YIPF5: variants seen among roughly 807,000 people sequenced by gnomAD.
YIPF5 encodes the protein protein YIPF5.
A neutral mutation model predicts 30.4 loss-of-function variants in YIPF5; 8 were observed. The ratio of observed to expected loss-of-function variants is 0.26; its 90% CI spans 0.15 to 0.47. The LOEUF (loss-of-function observed/expected upper bound fraction) is 0.47, where lower values mean the gene tolerates loss of function less well. Among genes scored for constraint, YIPF5 ranks in the 20% least tolerant of loss-of-function variants. YIPF5 has a pLI of 0.99. For synonymous variants in YIPF5, 104 were observed against 107.9 expected, an observed-to-expected ratio of 0.96 and a Z score of 0.23; for missense variants, 282 against 301.8, an observed-to-expected ratio of 0.93 and a Z score of 0.49.
chr5:144,163,525 C>A (rs1384678436), intron 4 of YIPF5, among the ~76,000 whole-genome samples: 1 of 152,112 alleles, frequency 6.6e-6, no homozygotes, highest in Non-Finnish European at 1.5e-5. Flanking sequence ...GCACTCAGTT[C>A]AAGCCCAGCT....
Position 144,164,093 on chromosome 5 carries a change from T to G in YIPF5, c.429+18A>C. ...CTGTTCTTTAATTGCACCCTGAAGG[T>G]TGAAATGAAAATCTTACCAGTAGCA... On this transcript the variant is annotated intron_variant, in intron 4 of 5. Coordinates refer to ENST00000274496, the MANE Select transcript of YIPF5 (RefSeq NM_030799.9). The G allele has an allele frequency of 6.2e-7, 1 of 1,606,164 alleles. No homozygotes were observed. Among genetic ancestry groups the G allele is most frequent in the Non-Finnish European group, 8.5e-7 (1 of 1,177,702 alleles).
Position 144,158,552 on chromosome 5 carries a change from C to G in YIPF5, c.*1845G>C. 8.5e-7 allele frequency: 1 copy of G among 1,178,030 alleles called. No homozygotes were observed. Among genetic ancestry groups the G allele is most frequent in the South Asian group, 1.6e-5 (1 of 62,430 alleles). The allele number at this position is 1,178,030 out of a possible 1,614,324, so 73.0% of individuals were successfully genotyped here. Reference sequence around the variant, plus strand: ...CAAAGCATCTTCTACCGTTTATTAGCAATATTTGGATATTAAGGGAAGACA... The same window carrying G: ...CAAAGCATCTTCTACCGTTTATTAGGAATATTTGGATATTAAGGGAAGACA... On this transcript the variant is annotated 3_prime_UTR_variant, in exon 6 of 6. Coordinates refer to ENST00000274496, the MANE Select transcript of YIPF5 (RefSeq NM_030799.9).
chr5:144,168,063 T>C (rs1752249092), intron 2 of YIPF5, among the ~76,000 whole-genome samples: 1 of 152,192 alleles, frequency 6.6e-6, no homozygotes, highest in Non-Finnish European at 1.5e-5. Context: ...AACCCAAGTT[T>C]ATAGCAATAA....
At chr5:144,169,696 A>C (rs900950671) in intron 2 of YIPF5, 150 bp downstream of exon 2, 2 of 663,386 alleles carry the variant, frequency 3.0e-6, no homozygotes, top group African/African-American at 1.8e-5. Context: ...CCAGTGTCAC[A>C]TATCTCTCTA....
chr5:144,159,315 T>C lies in YIPF5; in HGVS notation c.*1082A>G, dbSNP rs1033276536. The stretch of plus-strand genomic sequence containing the variant: ...AATAAGCATTCAAATGTACTTTACA[T>C]TGATAATTGCAATATTGAATTTTGT... On this transcript the variant is annotated 3_prime_UTR_variant, in exon 6 of 6. Coordinates refer to ENST00000274496, the MANE Select transcript of YIPF5 (RefSeq NM_030799.9). 64 of 973,622 alleles carry C rather than the reference T, an allele frequency of 6.6e-5. No homozygotes were observed. Among genetic ancestry groups the C allele is most frequent in the East Asian group, 1.1e-4 (1 of 8,756 alleles). The allele number at this position is 973,622 out of a possible 1,614,324, so 60.3% of individuals were successfully genotyped here. A position where few individuals can be genotyped will look rare whatever the true frequency, so the allele number is the denominator to read the frequency against.
In YIPF5 at chr5:144,165,454, C is replaced by G. The variant is rs765795929; in HGVS notation, c.261G>C (p.Glu87Asp). The part of the protein sequence containing the change: ...SPQPFYGNNF[E>D]DEPPLLEELG... ...TACCTTCTAATAAAGGTGGCTCATC[C>G]TCAAAGTTGTTTCCATAGAAAGGCT... is the stretch of plus-strand genomic sequence containing the variant. Residue 87 changes from glutamate to aspartate, a missense_variant, in exon 3 of 6, where the codon GAG becomes GAC. By Grantham distance (45) the Glu-to-Asp change is conservative. Coordinates refer to ENST00000274496, the MANE Select transcript of YIPF5 (RefSeq NM_030799.9). The G allele has an allele frequency of 1.7e-5, 28 of 1,613,908 alleles. No individual in the cohort carries two copies. Among genetic ancestry groups the G allele is most frequent in the Non-Finnish European group, 2.3e-5 (27 of 1,179,994 alleles).
Position 144,159,706 on chromosome 5 carries a change from CT to C in YIPF5, c.*690del, listed in dbSNP as rs11459784. ...ATTTTTGCAGTAAGTCTTGTGTCTC[CT>C]TTTTTTTTTTTTTTTGAGACAGAGT... On this transcript the variant is annotated 3_prime_UTR_variant, in exon 6 of 6. Coordinates refer to ENST00000274496, the MANE Select transcript of YIPF5 (RefSeq NM_030799.9). The C allele has an allele frequency of 0.086, 74,253 of 860,776 alleles. No individual in the cohort carries two copies. Among genetic ancestry groups the C allele is most frequent in the Non-Finnish European group, 0.095 (68,715 of 726,728 alleles). 53.3% of individuals were successfully genotyped at this position (860,776 alleles called of 1,614,324 possible). A position where few individuals can be genotyped will look rare whatever the true frequency, so the allele number is the denominator to read the frequency against.
Position 144,159,028 on chromosome 5 carries a change from T to A in YIPF5, c.*1369A>T. Reference sequence around the variant, plus strand: ...TTCTAGAAAAAGCCAATGATCAGTATACAAGATACAGTATTTTCCTACAGA... The same window carrying A: ...TTCTAGAAAAAGCCAATGATCAGTAAACAAGATACAGTATTTTCCTACAGA... On this transcript the variant is annotated 3_prime_UTR_variant, in exon 6 of 6. Transcript: ENST00000274496. 1 of 984,488 alleles carries A rather than the reference T, an allele frequency of 1.0e-6. No individual in the cohort carries two copies. The highest frequency in any genetic ancestry group is 1.2e-6 in the Non-Finnish European group (1 of 829,146). 61.0% of individuals were successfully genotyped at this position (984,488 alleles called of 1,614,324 possible). A position where few individuals can be genotyped will look rare whatever the true frequency, so the allele number is the denominator to read the frequency against.
chr5:144,159,845 T>C lies in YIPF5; in HGVS notation c.*552A>G, dbSNP rs545059808. The stretch of plus-strand genomic sequence containing the variant: ...CCTCAGCCTCCTGAGTAGCTGGGAC[T>C]ACAGGCGCCCGCCACCACGCCCAGC... On this transcript the variant is annotated 3_prime_UTR_variant, in exon 6 of 6. Coordinates refer to ENST00000274496, the MANE Select transcript of YIPF5 (RefSeq NM_030799.9). The C allele has an allele frequency of 3.6e-6, 2 of 548,142 alleles. No homozygotes were observed. Among genetic ancestry groups the C allele is most frequent in the East Asian group, 1.5e-4 (1 of 6,748 alleles). The allele number at this position is 548,142 out of a possible 1,614,324, so 34.0% of individuals were successfully genotyped here. A position where few individuals can be genotyped will look rare whatever the true frequency, so the allele number is the denominator to read the frequency against.
At chr5:144,164,374 T>C (rs980374667) in intron 3 of YIPF5, 118 bp from the exon 4 acceptor site, 11 of 828,794 alleles carry the variant, frequency 1.3e-5, no homozygotes, top group South Asian at 2.0e-5. Context: ...TCTAGCAATA[T>C]TGGATGATAT....
Position 144,160,361 on chromosome 5 carries a change from A to G in YIPF5, c.*36T>C. On this transcript the variant is annotated 3_prime_UTR_variant, in exon 6 of 6. Coordinates refer to ENST00000274496, the MANE Select transcript of YIPF5 (RefSeq NM_030799.9). ...TAAGAGTTCAAGGTCCTTTTTGTAC[A>G]TCTGGCCCACTGATGTCCACATCCC... 6.3e-7 allele frequency: 1 copy of G among 1,596,252 alleles called. No homozygotes were observed. The highest frequency in any genetic ancestry group is 8.6e-7 in the Non-Finnish European group (1 of 1,168,888).
At chr5:144,165,694 T>C in intron 2 of YIPF5, 90 bp from the exon 3 acceptor site, 1 of 1,326,722 alleles carries the variant, frequency 7.5e-7, no homozygotes, top group Non-Finnish European at 1.0e-6. Flanking sequence ...ATGTGACAGC[T>C]AAAGAACCTT....
At chr5:144,164,406 G>C (rs946049291) in intron 3 of YIPF5, 150 bp from the exon 4 acceptor site, 1 of 743,552 alleles carries the variant, frequency 1.3e-6, no homozygotes, top group Admixed American at 3.1e-5. Context: ...TAATTATTGT[G>C]ATAGGGTCTG....
In YIPF5 at chr5:144,158,436, A is replaced by G; in HGVS notation, c.*1961T>C. 1 of 1,276,038 alleles carries G rather than the reference A, an allele frequency of 7.8e-7. No individual in the cohort carries two copies. The highest frequency in any genetic ancestry group is 1.3e-5 in the South Asian group (1 of 77,404). 79.0% of individuals were successfully genotyped at this position (1,276,038 alleles called of 1,614,324 possible). A position where few individuals can be genotyped will look rare whatever the true frequency, so the allele number is the denominator to read the frequency against. On this transcript the variant is annotated 3_prime_UTR_variant, in exon 6 of 6. Coordinates refer to ENST00000274496, the MANE Select transcript of YIPF5 (RefSeq NM_030799.9). ...AAATGTTGTTGAGGATAGGGTAAAC[A>G]ACAAAAAAGAAAATAATTTGATCCA...
In YIPF5 at chr5:144,165,834, C is replaced by T. The variant is rs563880986; in HGVS notation, c.111-230G>A. 6.5e-4 allele frequency among the ~76,000 whole-genome samples: 99 copies of T among 151,942 alleles called. 1 individual carries two copies. Among genetic ancestry groups the T allele is most frequent in the African/African-American group, 2.3e-3 (94 of 41,418 alleles). On this transcript the variant is annotated intron_variant, in intron 2 of 5. Coordinates refer to ENST00000274496, the MANE Select transcript of YIPF5 (RefSeq NM_030799.9). Reference sequence around the variant, plus strand: ...TTATAGAAAATATTCTTAATGATACCAATATTCACTTACATAGCACTAAGC... The same window carrying T: ...TTATAGAAAATATTCTTAATGATACTAATATTCACTTACATAGCACTAAGC...
chr5:144,159,629 A>C lies in YIPF5; in HGVS notation c.*768T>G. On this transcript the variant is annotated 3_prime_UTR_variant, in exon 6 of 6. Transcript: ENST00000274496. ...TTGGATCACTTTTTTGCTTTGAGTTACCTGACTTGAGAATACAAGGCAATT... is the reference window on the plus strand; with the variant it reads ...TTGGATCACTTTTTTGCTTTGAGTTCCCTGACTTGAGAATACAAGGCAATT... 2 of 985,114 alleles carry C rather than the reference A, an allele frequency of 2.0e-6. No homozygotes were observed. The highest frequency in any genetic ancestry group is 2.4e-6 in the Non-Finnish European group (2 of 829,896). The allele number at this position is 985,114 out of a possible 1,614,324, so 61.0% of individuals were successfully genotyped here. A position where few individuals can be genotyped will look rare whatever the true frequency, so the allele number is the denominator to read the frequency against.
At position 144,158,952 on chromosome 5, in the gene YIPF5, A is replaced by G. The variant is rs1390860582; in HGVS notation, c.*1445T>C. 5.1e-6 allele frequency: 5 copies of G among 984,384 alleles called. No homozygotes were observed. Among genetic ancestry groups the G allele is most frequent in the Non-Finnish European group, 6.0e-6 (5 of 829,986 alleles). 61.0% of individuals were successfully genotyped at this position (984,384 alleles called of 1,614,324 possible). A position where few individuals can be genotyped will look rare whatever the true frequency, so the allele number is the denominator to read the frequency against. Reference sequence around the variant, plus strand: ...AAGGCAGTATTTTCCTCCCTGTACCATATCTTTCTCGTAACTATAACTGAG... The same window carrying G: ...AAGGCAGTATTTTCCTCCCTGTACCGTATCTTTCTCGTAACTATAACTGAG... On this transcript the variant is annotated 3_prime_UTR_variant, in exon 6 of 6. Coordinates refer to ENST00000274496, the MANE Select transcript of YIPF5 (RefSeq NM_030799.9).
At chr5:144,169,557 C>T (rs1032846437) in intron 2 of YIPF5, among the ~76,000 whole-genome samples, 2 of 152,220 alleles carry the variant, frequency 1.3e-5, no homozygotes, top group African/African-American at 2.4e-5. Context: ...CTCCCATCAT[C>T]TTCTAAATAC....
intron 2 of YIPF5, among the ~76,000 whole-genome samples, chr5:144,168,691 C>T (rs908496042): frequency 2.0e-5 from 3 of 152,106 alleles, no homozygotes; most frequent in African/African-American, 7.2e-5. Context: ...GAGGGGAAAA[C>T]AAAGCCTTAA....
Sources: gnomAD v4.1 joint callset for allele counts (sites outside exome capture counted in the v4.1 genomes callset) on GRCh38, gnomAD v4.1.1 for gene constraint, MANE v1.5 for transcripts, NCBI Gene and HGNC (gene_info 2026-07-23, HGNC 2026-07-21) for gene names.